The following ERI3 variants were observed in gnomAD, a reference collection of about 807,000 sequenced individuals.
The protein encoded by ERI3 is ERI1 exoribonuclease family member 3.
ERI3 carries 18 observed loss-of-function variants against 44.4 expected under a neutral mutation model. The observed-to-expected ratio is 0.41, with a 90% CI of 0.28 to 0.60. ERI3 has a LOEUF of 0.60. ERI3 is among the 20% of genes least tolerant of loss of function. ERI3 has a pLI of 0.36. For missense variants in ERI3, 294 were observed against 435.5 expected, an observed-to-expected ratio of 0.68 and a Z score of 2.89; for synonymous variants, 183 against 164.8, an observed-to-expected ratio of 1.11 and a Z score of -0.84.
At chr1:44,313,054 A>G in intron 5 of ERI3, 115 bp downstream of exon 5, 1 of 877,754 alleles carries the variant, frequency 1.1e-6, no homozygotes, top group South Asian at 1.4e-5. Flanking sequence ...AGCAAATGTT[A>G]TTCTAATCAA....
intron 2 of ERI3, among the ~76,000 whole-genome samples, chr1:44,348,962 T>C (rs1248288559): frequency 1.3e-5 from 2 of 152,114 alleles, no homozygotes; most frequent in African/African-American, 4.8e-5. Flanking sequence ...GAAAAGTAAT[T>C]TTAAAAAATT....
At position 44,252,722 on chromosome 1, in the gene ERI3, G is replaced by A. The variant is rs139870056; in HGVS notation, c.832-4684C>T. On this transcript the variant is annotated intron_variant, in intron 7 of 8. Coordinates refer to ENST00000372257, the MANE Select transcript of ERI3 (RefSeq NM_024066.3). This position sits in a 1 kb window ranked among gnomAD's most constrained non-coding sequence, Gnocchi z 4.7. ...CTGCAGCATCAGATCCTTCAAAGAG[G>A]AAAGAGGCCTCAGCAGCTGCTATGG... is the stretch of plus-strand genomic sequence containing the variant. Among the ~76,000 whole-genome samples, 381 of 152,298 alleles carry A rather than the reference G, an allele frequency of 2.5e-3. 3 individuals are homozygous for A. The highest frequency in any genetic ancestry group is 4.4e-3 in the Non-Finnish European group (297 of 68,022).
rs905779737 is a variant in ERI3, at chr1:44,247,912, G to T, written c.931+27C>A. The T allele has an allele frequency of 1.9e-6, 3 of 1,582,164 alleles. No individual in the cohort carries two copies. The African/African-American group carries it at 4.1e-5, about 21-fold the overall frequency. On this transcript the variant is annotated intron_variant, in intron 8 of 8. Coordinates refer to ENST00000372257, the MANE Select transcript of ERI3 (RefSeq NM_024066.3). ...CGGGCAAGGGACGATGGATGGAGCT[G>T]CCGGGGGAATATGCGAAGGGACTGA... is the stretch of plus-strand genomic sequence containing the variant.
At chr1:44,302,398 A>G (rs1645745329) in intron 6 of ERI3, among the ~76,000 whole-genome samples, 1 of 152,246 alleles carries the variant, frequency 6.6e-6, no homozygotes, top group Non-Finnish European at 1.5e-5. Flanking sequence ...TTCCCCCAGC[A>G]GGCTGCTAAT....
chr1:44,267,893 T>C (rs1236538214), intron 7 of ERI3, among the ~76,000 whole-genome samples: 3 of 152,200 alleles, frequency 2.0e-5, no homozygotes, highest in Non-Finnish European at 2.9e-5. Context: ...AGTAGGGCAA[T>C]CTAGGGTATC....
At chr1:44,351,582 C>G (rs992717864) in intron 2 of ERI3, among the ~76,000 whole-genome samples, 2 of 152,138 alleles carry the variant, frequency 1.3e-5, no homozygotes, top group Non-Finnish European at 2.9e-5. Flanking sequence ...GACAGAGACC[C>G]AAAGCCTAAA....
intron 6 of ERI3, among the ~76,000 whole-genome samples, chr1:44,295,255 T>C (rs547457100): frequency 2.7e-4 from 41 of 152,250 alleles, no homozygotes; most frequent in African/African-American, 8.9e-4. Context: ...CAGATTCACA[T>C]TGGGCTTTAA....
chr1:44,253,948 G>A (rs1192920491), intron 7 of ERI3, among the ~76,000 whole-genome samples: 2 of 152,174 alleles, frequency 1.3e-5, no homozygotes, highest in Non-Finnish European at 2.9e-5. Context: ...CAGAAACCAT[G>A]AGGGATAATA....
intron 1 of ERI3, 73 bp from the exon 2 acceptor site, chr1:44,352,998 C>T: frequency 6.2e-7 from 1 of 1,600,042 alleles, no homozygotes; most frequent in Non-Finnish European, 8.5e-7. Flanking sequence ...AAGGATACTA[C>T]ACCTCAAACT....
chr1:44,242,053 G>A, intron 8 of ERI3: 1 of 985,674 alleles, frequency 1.0e-6, no homozygotes, highest in Non-Finnish European at 1.2e-6. Context: ...CTCTCCCCAG[G>A]CACTATCCAG....
rs1440137673 is a variant in ERI3, at chr1:44,355,249, C to G, written c.-223G>C. 2 of 1,168,838 alleles carry G rather than the reference C, an allele frequency of 1.7e-6. No homozygotes were observed. Among genetic ancestry groups the G allele is most frequent in the East Asian group, 7.7e-5 (2 of 25,812 alleles). The allele number at this position is 1,168,838 out of a possible 1,614,324, so 72.4% of individuals were successfully genotyped here. On this transcript the variant is annotated 5_prime_UTR_variant, in exon 1 of 9. Coordinates refer to ENST00000372257, the MANE Select transcript of ERI3 (RefSeq NM_024066.3). ...CAGCCAGCACCACGAGTCCACAACA[C>G]ACCGACTCACCTCCGCGCACTCTGA... is the stretch of plus-strand genomic sequence containing the variant.
intron 6 of ERI3, among the ~76,000 whole-genome samples, chr1:44,303,665 G>C (rs1330643643): frequency 6.6e-6 from 1 of 152,178 alleles, no homozygotes; most frequent in Non-Finnish European, 1.5e-5. Context: ...GTGGCTGGTG[G>C]GGAGGGGTGT....
intron 3 of ERI3, among the ~76,000 whole-genome samples, chr1:44,331,852 A>G (rs1363719329): frequency 1.3e-5 from 2 of 152,100 alleles, no homozygotes; most frequent in Non-Finnish European, 2.9e-5. Context: ...TGAATTTCTT[A>G]TAACATGAAA....
At chr1:44,263,671 C>T (rs1454198961) in intron 7 of ERI3, among the ~76,000 whole-genome samples, 2 of 152,224 alleles carry the variant, frequency 1.3e-5, no homozygotes, top group Non-Finnish European at 2.9e-5. Context: ...TGTGGCCCCA[C>T]TCCTGAGAGG....
intron 7 of ERI3, among the ~76,000 whole-genome samples, chr1:44,277,204 C>G (rs548816072): frequency 6.6e-6 from 1 of 152,194 alleles, no homozygotes; most frequent in Non-Finnish European, 1.5e-5. Context: ...TCTTCCTCTC[C>G]TTCCCTCCTG....
At chr1:44,239,851 A>T (rs977067884) in intron 8 of ERI3, among the ~76,000 whole-genome samples, 3 of 152,156 alleles carry the variant, frequency 2.0e-5, no homozygotes, top group Non-Finnish European at 4.4e-5. Context: ...AGGCCTCAGA[A>T]CTCACATCAA....
intron 7 of ERI3, among the ~76,000 whole-genome samples, chr1:44,275,340 C>A (rs1313175440): frequency 6.6e-6 from 1 of 152,176 alleles, no homozygotes; most frequent in East Asian, 1.9e-4. Context: ...GACTTCCCAG[C>A]CAGCTCAGCC....
chr1:44,301,737 G>T (rs1373933787), intron 6 of ERI3, among the ~76,000 whole-genome samples: 1 of 152,186 alleles, frequency 6.6e-6, no homozygotes, highest in Non-Finnish European at 1.5e-5. Flanking sequence ...CACTCCAATG[G>T]CTGAGGAGGA....
chr1:44,221,718 G>A lies in ERI3; in HGVS notation c.932-78C>T. On this transcript the variant is annotated intron_variant, in intron 8 of 8. Transcript: ENST00000372257. The surrounding 1 kb of genome is among the most constrained non-coding windows in gnomAD (Gnocchi z 5.9). Reference sequence around the variant, plus strand: ...CCACAGGTGCTCTTACAAGGGTGGGGGTGGGAAGCAGGGTCAGATTCAGGA... The same window carrying A: ...CCACAGGTGCTCTTACAAGGGTGGGAGTGGGAAGCAGGGTCAGATTCAGGA... 3.3e-6 allele frequency: 4 copies of A among 1,214,482 alleles called. No homozygotes were observed. Among genetic ancestry groups the A allele is most frequent in the East Asian group, 2.4e-5 (1 of 42,508 alleles). The allele number at this position is 1,214,482 out of a possible 1,614,324, so 75.2% of individuals were successfully genotyped here. A position where few individuals can be genotyped will look rare whatever the true frequency, so the allele number is the denominator to read the frequency against.
Sources: allele counts gnomAD v4.1 joint callset (sites outside exome capture counted in the v4.1 genomes callset), GRCh38; gene constraint gnomAD v4.1.1; non-coding constraint Gnocchi (gnomAD v3.1); transcripts MANE v1.5; gene names NCBI Gene and HGNC (gene_info 2026-07-23, HGNC 2026-07-21).